The following RNF40 variants were observed in gnomAD, a reference collection of about 807,000 sequenced individuals.
The protein encoded by RNF40 is E3 ubiquitin-protein ligase BRE1B.
In RNF40, 39 loss-of-function variants were observed where a neutral mutation model predicts 123.3. The observed-to-expected ratio is 0.32, with a 90% CI of 0.24 to 0.41. The LOEUF (loss-of-function observed/expected upper bound fraction) is 0.41. RNF40 is among the 10% of genes least tolerant of loss of function. The pLI is 1.00. For missense variants in RNF40, 1,003 were observed against 1,319.9 expected, an observed-to-expected ratio of 0.76 and a Z score of 3.72; for synonymous variants, 538 against 526.0, an observed-to-expected ratio of 1.02 and a Z score of -0.31.
In RNF40 at chr16:30,768,375, C is replaced by T. The variant is rs2054078908; in HGVS notation, c.1824C>T (p.Ala608=). 1 of 1,613,516 alleles carries T rather than the reference C, an allele frequency of 6.2e-7. No individual in the cohort carries two copies. The highest frequency in any genetic ancestry group is 1.7e-5 in the Admixed American group (1 of 59,928). Residue 608 remains alanine (A), a synonymous_variant, in exon 13 of 20, where the codon GCC becomes GCT. Transcript: ENST00000324685. This position sits in a 1 kb window ranked among gnomAD's most constrained non-coding sequence, Gnocchi z 4.1. ...GPSSRGREPE[A]RPKRELRERE... The stretch of plus-strand genomic sequence containing the variant: ...CCTCCCGGGGCCGAGAACCTGAGGC[C>T]AGGCCCAAGCGGGAGCTTCGGGAAC...
At chr16:30,763,367 G>A in intron 3 of RNF40, 51 bp from the exon 4 acceptor site, 1 of 1,604,904 alleles carries the variant, frequency 6.2e-7, no homozygotes. Context: ...GGAGTATCAT[G>A]TTGGAAAGCA....
rs200021839 is a variant in RNF40 at position 30,768,640 on chromosome 16, G to C, written c.2001G>C (p.Lys667Asn). The C allele has an allele frequency of 6.2e-7, 1 of 1,614,226 alleles. No individual in the cohort carries two copies. The highest frequency in any genetic ancestry group is 1.7e-5 in the Admixed American group (1 of 60,030). The part of the protein sequence containing the change: ...AELKKAQESQ[K>N]EMKLLLDMYK... ...CCAGGAAGGCCCAGGAGAGCCAGAA[G>C]GAGATGAAACTGCTGCTGGATATGT... Residue 667 changes from lysine to asparagine, a missense_variant, in exon 14 of 20, where the codon AAG becomes AAC. Transcript: ENST00000324685. This position sits in a 1 kb window ranked among gnomAD's most constrained non-coding sequence, Gnocchi z 4.1.
Position 30,775,580 on chromosome 16 carries a change from C to G in RNF40, c.*1466C>G, listed in dbSNP as rs1355420665. ...TCAGCGGCTTCACCCCCACACCACT[C>G]GAATGCACAGATCGGGACACCTCAG... On this transcript the variant is annotated 3_prime_UTR_variant, in exon 20 of 20. Transcript: ENST00000324685. 3 of 159,012 alleles carry G rather than the reference C, an allele frequency of 1.9e-5. No individual in the cohort carries two copies. The highest frequency in any genetic ancestry group is 4.8e-5 in the African/African-American group (2 of 41,586). 9.9% of individuals were successfully genotyped at this position (159,012 alleles called of 1,614,324 possible). A position where few individuals can be genotyped will look rare whatever the true frequency, so the allele number is the denominator to read the frequency against.
chr16:30,770,876 T>TA (rs2054136401), intron 17 of RNF40, among the ~76,000 whole-genome samples: 1 of 152,154 alleles, frequency 6.6e-6, no homozygotes, highest in African/African-American at 2.4e-5. Context: ...CTCGCCCAGC[T>TA]AATTTTTGTA....
chr16:30,774,490 C>T lies in RNF40; in HGVS notation c.*376C>T, dbSNP rs552911475. 7 of 225,162 alleles carry T rather than the reference C, an allele frequency of 3.1e-5. No homozygotes were observed. Among genetic ancestry groups the T allele is most frequent in the Non-Finnish European group, 5.3e-5 (6 of 112,976 alleles). The allele number at this position is 225,162 out of a possible 1,614,324, so 13.9% of individuals were successfully genotyped here. ...GCTGTGATCTACCCTAGAGAAGGCT[C>T]GCTCCCTGCCTACTGGCTCACAAAT... On this transcript the variant is annotated 3_prime_UTR_variant, in exon 20 of 20. Transcript: ENST00000324685.
intron 15 of RNF40, 82 bp downstream of exon 15, chr16:30,769,069 C>T: frequency 6.3e-7 from 1 of 1,596,774 alleles, no homozygotes; most frequent in Non-Finnish European, 8.6e-7. Flanking sequence ...GCCTGCAGGA[C>T]CTTGATGATC....
In RNF40 at chr16:30,769,463, T is replaced by C; in HGVS notation, c.2461-12T>C. The C allele has an allele frequency of 6.2e-7, 1 of 1,613,996 alleles. No individual in the cohort carries two copies. The highest frequency in any genetic ancestry group is 1.7e-5 in the Admixed American group (1 of 60,020). On this transcript the variant is annotated splice_polypyrimidine_tract_variant and intron_variant, in intron 16 of 19. Transcript: ENST00000324685. ...TGGGGGTCATGGCCCTGAGTCCTCC[T>C]CTGGTCCTTAGGTGGATGCCCAGCT... is the stretch of plus-strand genomic sequence containing the variant.
At chr16:30,770,119 A>ATGGAGTTTTTTTTTTTTTTTTT (rs144255833) in intron 17 of RNF40, among the ~76,000 whole-genome samples, 1 of 98,850 alleles carries the variant, frequency 1.0e-5, no homozygotes, top group African/African-American at 3.8e-5. Flanking sequence ...AAAACAAAAG[A>ATGGAGTTTTTTTTTTTTTTTTT]TTTTTGAGTT....
At chr16:30,769,437 G>C in intron 16 of RNF40, 38 bp from the exon 17 acceptor site, 1 of 1,614,220 alleles carries the variant, frequency 6.2e-7, no homozygotes, top group Non-Finnish European at 8.5e-7. Context: ...AGCTGGAGAG[G>C]TGGGGGTCAT....
chr16:30,764,393 C>T lies in RNF40; in HGVS notation c.649+8C>T, dbSNP rs1189896179. 4.3e-6 allele frequency: 7 copies of T among 1,609,868 alleles called. No individual in the cohort carries two copies. Among genetic ancestry groups the T allele is most frequent in the Non-Finnish European group, 5.9e-6 (7 of 1,178,322 alleles). ...AGCGAGTGTACAGCCGAGGTGGGTT[C>T]TTTGTGCCCATACTGAAGGGGTGTC... On this transcript the variant is annotated splice_region_variant and intron_variant, in intron 5 of 19. Coordinates refer to ENST00000324685, the MANE Select transcript of RNF40 (RefSeq NM_014771.4).
intron 2 of RNF40, among the ~76,000 whole-genome samples, chr16:30,762,900 G>C (rs2053904391): frequency 1.3e-5 from 2 of 152,254 alleles, no homozygotes; most frequent in Admixed American, 1.3e-4. Context: ...CAAAGACTAA[G>C]GATTTACAAG....
chr16:30,770,286 T>C (rs1230709268), intron 17 of RNF40, among the ~76,000 whole-genome samples: 1 of 151,734 alleles, frequency 6.6e-6, no homozygotes, highest in Non-Finnish European at 1.5e-5. Flanking sequence ...TTTTGTATTT[T>C]TTTTTAGTAG....
intron 7 of RNF40, 36 bp from the exon 8 acceptor site, chr16:30,765,389 C>T: frequency 6.2e-7 from 1 of 1,613,978 alleles, no homozygotes; most frequent in Non-Finnish European, 8.5e-7. Context: ...AGCTCCTCCC[C>T]TCTACATCCA....
intron 4 of RNF40, 44 bp downstream of exon 4, chr16:30,763,603 G>C (rs754322825): frequency 1.2e-6 from 2 of 1,607,102 alleles, no homozygotes; most frequent in African/African-American, 2.7e-5. Flanking sequence ...AGTTCTGGGA[G>C]AAGTCCTGGG....
intron 18 of RNF40, 28 bp downstream of exon 18, chr16:30,772,001 A>G: frequency 1.7e-5 from 27 of 1,587,092 alleles, no homozygotes; most frequent in Non-Finnish European, 2.1e-5. Flanking sequence ...GGGCCAGGCC[A>G]GGGTGGTCCA....
At position 30,772,200 on chromosome 16, in the gene RNF40, T is replaced by G; in HGVS notation, c.2829+10T>G. On this transcript the variant is annotated intron_variant, in intron 19 of 19. Coordinates refer to ENST00000324685, the MANE Select transcript of RNF40 (RefSeq NM_014771.4). ...GATCAAGGAGTACAAGGTGGGGCTG[T>G]GGGCCAAGTTGTGCCCTATCCACCT... 1 of 1,546,024 alleles carries G rather than the reference T, an allele frequency of 6.5e-7. No homozygotes were observed. The highest frequency in any genetic ancestry group is 8.8e-7 in the Non-Finnish European group (1 of 1,141,756).
At position 30,766,726 on chromosome 16, in the gene RNF40, C is replaced by T; in HGVS notation, c.1294-15C>T. ...ACCGAGGGGCTGTGTGGGTCCTTAA[C>T]ACATCAACCCACAGAGCGACGAGCT... On this transcript the variant is annotated splice_polypyrimidine_tract_variant and intron_variant, in intron 10 of 19. Transcript: ENST00000324685. This position sits in a 1 kb window ranked among gnomAD's most constrained non-coding sequence, Gnocchi z 5.4. The T allele has an allele frequency of 1.2e-6, 2 of 1,613,768 alleles. No homozygotes were observed. The highest frequency in any genetic ancestry group is 2.2e-5 in the East Asian group (1 of 44,888).
upstream of RNF40, chr16:30,761,672 C>T (rs1381520617): frequency 6.5e-7 from 1 of 1,535,778 alleles, no homozygotes; most frequent in Non-Finnish European, 8.7e-7. Flanking sequence ...CCCCGCTTCC[C>T]GCCGCAGCTC....
chr16:30,768,165 T>C lies in RNF40; in HGVS notation c.1614T>C (p.Ser538=). ...STPNLGHPED[S]GVSAPAPGKE... is the part of the protein sequence containing the mutation. ...CCAACCTGGGCCACCCAGAGGATTC[T>C]GGCGTCAGTGCCCCAGCCCCAGGGA... Residue 538 remains serine, a synonymous_variant, in exon 13 of 20, where the codon TCT becomes TCC. Transcript: ENST00000324685. The surrounding 1 kb of genome is among the most constrained non-coding windows in gnomAD (Gnocchi z 4.1). 1.9e-6 allele frequency: 3 copies of C among 1,610,960 alleles called. No homozygotes were observed. The highest frequency in any genetic ancestry group is 1.7e-5 in the Admixed American group (1 of 59,702).
Sources: gnomAD v4.1 joint callset for allele counts (sites outside exome capture counted in the v4.1 genomes callset) on GRCh38, gnomAD v4.1.1 for gene constraint, Gnocchi (gnomAD v3.1) non-coding constraint, MANE v1.5 for transcripts, NCBI Gene and HGNC (gene_info 2026-07-23, HGNC 2026-07-21) for gene names.